Variants in CCDC178 observed in about 807,000 individuals in gnomAD.
CCDC178 encodes coiled-coil domain-containing protein 178.
A neutral mutation model predicts 117.4 loss-of-function variants in CCDC178; 126 were observed. The observed-to-expected ratio is 1.07, with a 90% confidence interval of 0.93 to 1.24. The LOEUF (loss-of-function observed/expected upper bound fraction) is 1.24, where lower values mean the gene tolerates loss of function less well. CCDC178 is among the 50% of genes most tolerant of loss of function. The pLI is 0.00. For synonymous variants in CCDC178, 283 were observed against 313.4 expected (o/e 0.90, Z 1.02); for missense variants, 1,030 against 986.9 (o/e 1.04, Z -0.59).
rs531293976 is a variant in CCDC178, at chr18:33,187,167, C to A, written c.2238+24729G>T. On this transcript the variant is annotated intron_variant, in intron 20 of 22. Coordinates refer to ENST00000383096, the MANE Select transcript of CCDC178 (RefSeq NM_001105528.4). ...TTTAAACCATCAGATCTCATAAGAA[C>A]TCACTCACTATCATGAGAACAGCAT... Among the ~76,000 whole-genome samples the A allele has an allele frequency of 3.6e-4, 55 of 151,820 alleles. No homozygotes were observed. The South Asian group carries it at 0.011, about 30-fold the overall frequency.
At chr18:33,224,714 T>C (rs562260372) in intron 17 of CCDC178, 61 bp downstream of exon 17, 224 of 1,070,606 alleles carry the variant, frequency 2.1e-4, no homozygotes, top group Non-Finnish European at 1.6e-4. Context: ...TAAAATCACA[T>C]GCGTAACTTA....
chr18:33,167,154 T>C (rs950821951), intron 20 of CCDC178, among the ~76,000 whole-genome samples: 1 of 152,184 alleles, frequency 6.6e-6, no homozygotes, highest in Non-Finnish European at 1.5e-5. Flanking sequence ...TGAATACATA[T>C]CACATTTTCT....
intron 11 of CCDC178, among the ~76,000 whole-genome samples, chr18:33,316,180 C>T (rs1313071625): frequency 6.6e-6 from 1 of 152,228 alleles, no homozygotes; most frequent in Non-Finnish European, 1.5e-5. Context: ...CCTTTTTGGG[C>T]TGGCCAAGGC....
chr18:33,278,282 CATATATATAT>C (rs36227101), intron 12 of CCDC178, among the ~76,000 whole-genome samples: 1,441 of 141,378 alleles, frequency 0.01, 28 homozygotes, highest in African/African-American at 0.034. Flanking sequence ...TACACAAATA[CATATATATAT>C]ATATATATAT....
intron 21 of CCDC178, among the ~76,000 whole-genome samples, chr18:33,081,464 G>T (rs180950483): frequency 6.6e-6 from 1 of 152,220 alleles, no homozygotes. Flanking sequence ...ATGCATTAGT[G>T]CAATGATCCT....
At chr18:33,232,287 A>G (rs1014207837) in intron 15 of CCDC178, among the ~76,000 whole-genome samples, 7 of 150,842 alleles carry the variant, frequency 4.6e-5, no homozygotes, top group Non-Finnish European at 8.8e-5. Flanking sequence ...AAGGAGGACA[A>G]ACAGTCAATA....
chr18:33,381,791 A>G (rs1037364157), intron 5 of CCDC178, among the ~76,000 whole-genome samples: 21 of 152,270 alleles, frequency 1.4e-4, no homozygotes, highest in African/African-American at 5.1e-4. Flanking sequence ...CTGATACACT[A>G]TGTAACTATT....
chr18:33,177,241 C>T (rs1478781325), intron 20 of CCDC178, among the ~76,000 whole-genome samples: 1 of 151,990 alleles, frequency 6.6e-6, no homozygotes, highest in Non-Finnish European at 1.5e-5. Flanking sequence ...AGCATTAGGA[C>T]AAATACCTAG....
intron 21 of CCDC178, among the ~76,000 whole-genome samples, chr18:32,990,312 A>G (rs753399488): frequency 2.6e-5 from 4 of 152,154 alleles, no homozygotes; most frequent in African/African-American, 9.6e-5. Context: ...AAAACACTGT[A>G]TAAGGAAATC....
intron 6 of CCDC178, among the ~76,000 whole-genome samples, chr18:33,360,819 T>C (rs1294550030): frequency 1.3e-5 from 2 of 151,508 alleles, no homozygotes; most frequent in African/African-American, 4.8e-5. Context: ...ACTAAAACTA[T>C]AAAACATTAA....
At chr18:33,197,846 CA>C (rs997589777) in intron 20 of CCDC178, among the ~76,000 whole-genome samples, 9 of 152,078 alleles carry the variant, frequency 5.9e-5, no homozygotes, top group African/African-American at 2.2e-4. Context: ...GTGTGTTTCA[CA>C]TTATAAAAAT....
At chr18:33,338,117 A>G (rs1425103237) in intron 9 of CCDC178, among the ~76,000 whole-genome samples, 1 of 152,214 alleles carries the variant, frequency 6.6e-6, no homozygotes, top group Non-Finnish European at 1.5e-5. Flanking sequence ...TTCTCAAAAG[A>G]AGATATGCAA....
At chr18:33,267,989 T>C (rs1288496634) in intron 12 of CCDC178, among the ~76,000 whole-genome samples, 1 of 151,592 alleles carries the variant, frequency 6.6e-6, no homozygotes, top group Non-Finnish European at 1.5e-5. Context: ...AGAGGACCTA[T>C]ATAAAGTAAA....
chr18:33,171,303 T>A (rs2058596654), intron 20 of CCDC178, among the ~76,000 whole-genome samples: 1 of 152,152 alleles, frequency 6.6e-6, no homozygotes, highest in African/African-American at 2.4e-5. Flanking sequence ...AGGTGCAGAA[T>A]AAATCCTATT....
intron 5 of CCDC178, among the ~76,000 whole-genome samples, chr18:33,379,182 A>C (rs532821318): frequency 2.3e-4 from 33 of 142,070 alleles, no homozygotes; most frequent in South Asian, 1.1e-3. Context: ...TAATATATAT[A>C]TTTCCATATA....
intron 20 of CCDC178, among the ~76,000 whole-genome samples, chr18:33,100,177 A>T (rs2057603588): frequency 6.6e-6 from 1 of 151,854 alleles, no homozygotes; most frequent in African/African-American, 2.4e-5. Flanking sequence ...CCAGCTCCCA[A>T]CTATATGAGG....
chr18:33,207,057 T>C (rs1180786586), intron 20 of CCDC178, among the ~76,000 whole-genome samples: 1 of 152,200 alleles, frequency 6.6e-6, no homozygotes, highest in Non-Finnish European at 1.5e-5. Context: ...TCATGTCTTC[T>C]GCTAGCATCT....
At chr18:33,355,452 T>A (rs1299377437) in intron 7 of CCDC178, among the ~76,000 whole-genome samples, 3 of 152,220 alleles carry the variant, frequency 2.0e-5, no homozygotes, top group East Asian at 3.9e-4. Context: ...GTTAGGGTAA[T>A]CCTTCGAGGC....
At chr18:33,312,362 G>A (rs2062354824) in intron 11 of CCDC178, among the ~76,000 whole-genome samples, 1 of 152,142 alleles carries the variant, frequency 6.6e-6, no homozygotes, top group South Asian at 2.1e-4. Flanking sequence ...CCTCCTGCAC[G>A]ATATTTGGAG....
Sources: gnomAD v4.1 joint callset for allele counts (sites outside exome capture counted in the v4.1 genomes callset) on GRCh38, gnomAD v4.1.1 for gene constraint, MANE v1.5 for transcripts, NCBI Gene and HGNC (gene_info 2026-07-23, HGNC 2026-07-21) for gene names.